RASA2: variants seen among roughly 807,000 people sequenced by gnomAD.
RASA2 encodes the protein RAS p21 protein activator 2.
A neutral mutation model predicts 118.2 loss-of-function variants in RASA2; 155 were observed. That is an observed-to-expected ratio of 1.31 (90% CI 1.15 to 1.50). The LOEUF is 1.50. RASA2 is among the 40% of genes most tolerant of loss of function. The pLI, the probability that RASA2 is intolerant of heterozygous loss-of-function variation, is 0.00. For missense variants in RASA2, 1,016 were observed against 1,009.6 expected (o/e 1.01, Z -0.09); for synonymous variants, 353 against 349.1 (o/e 1.01, Z -0.12).
At chr3:141,514,924 TTC>T (rs1346227598) in intron 2 of RASA2, among the ~76,000 whole-genome samples, 2 of 152,202 alleles carry the variant, frequency 1.3e-5, no homozygotes, top group African/African-American at 4.8e-5. Flanking sequence ...TACTATATGA[TTC>T]TATTTATGTG....
rs2083615536 is a variant in RASA2 at position 141,610,160 on chromosome 3, C to T, written c.2519+94C>T. ...CCTCACACCTCCTGCTCACCCACAT[C>T]TGTCAACATCCCGCTCAGGGCCATT... On this transcript the variant is annotated intron_variant, in intron 23 of 23. Transcript: ENST00000286364. The T allele has an allele frequency of 1.4e-5, 15 of 1,090,594 alleles. 1 individual carries two copies. In the South Asian group the frequency reaches 2.8e-4, roughly 20 times the overall value. The allele number at this position is 1,090,594 out of a possible 1,614,324, so 67.6% of individuals were successfully genotyped here. A position where few individuals can be genotyped will look rare whatever the true frequency, so the allele number is the denominator to read the frequency against.
intron 5 of RASA2, among the ~76,000 whole-genome samples, chr3:141,551,877 T>C (rs752976021): frequency 3.9e-5 from 6 of 152,186 alleles, no homozygotes; most frequent in Non-Finnish European, 8.8e-5. Flanking sequence ...ATAAATAAAA[T>C]ATCAAATTCC....
At chr3:141,487,249 G>A in intron 1 of RASA2, 33 bp downstream of exon 1, 1 of 1,296,558 alleles carries the variant, frequency 7.7e-7, no homozygotes, top group Non-Finnish European at 9.9e-7. Flanking sequence ...GGACGCCCTG[G>A]CGGCGCTGGG....
At chr3:141,571,906 TA>T (rs1430515262) in intron 11 of RASA2, among the ~76,000 whole-genome samples, 2 of 151,962 alleles carry the variant, frequency 1.3e-5, no homozygotes, top group East Asian at 3.9e-4. Context: ...TATGACATTC[TA>T]AAAAGCAGTC....
intron 15 of RASA2, 62 bp downstream of exon 15, chr3:141,577,168 A>G: frequency 7.6e-7 from 1 of 1,313,644 alleles, no homozygotes; most frequent in Non-Finnish European, 1.0e-6. Context: ...AAATGAAGAA[A>G]AGATAAAATA....
intron 4 of RASA2, among the ~76,000 whole-genome samples, chr3:141,531,499 CACATT>C (rs1210005911): frequency 6.6e-6 from 1 of 150,992 alleles, no homozygotes; most frequent in Admixed American, 6.6e-5. Context: ...TATATACACA[CACATT>C]ACATACACAT....
Position 141,580,409 on chromosome 3 carries a change from T to A in RASA2, c.1632T>A (p.Thr544=), listed in dbSNP as rs1426160614. ...TIRTLTLISK[T]IQTLGSWGSL... ...GAACATTAACTCTCATCTCAAAAAC[T>A]ATACAAACTTTGGGAAGCTGGGGGA... The change falls in exon 16 of 24, where the codon ACT becomes ACA. Residue 544 remains threonine, a synonymous_variant. Coordinates refer to ENST00000286364, the MANE Select transcript of RASA2 (RefSeq NM_006506.5). 1.9e-6 allele frequency: 3 copies of A among 1,610,258 alleles called. No homozygotes were observed. The highest frequency in any genetic ancestry group is 2.5e-6 in the Non-Finnish European group (3 of 1,177,584).
intron 3 of RASA2, among the ~76,000 whole-genome samples, chr3:141,522,651 C>A (rs1048107434): frequency 3.9e-5 from 6 of 152,160 alleles, no homozygotes; most frequent in Non-Finnish European, 8.8e-5. Context: ...GCAAGCTTAT[C>A]AGCATCTGGA....
intron 2 of RASA2, among the ~76,000 whole-genome samples, chr3:141,512,731 T>C (rs185366346): frequency 6.6e-6 from 1 of 152,174 alleles, no homozygotes; most frequent in Non-Finnish European, 1.5e-5. Context: ...ATAATTCTAG[T>C]GCAGAGTTGT....
At chr3:141,593,995 G>A (rs931344610) in intron 19 of RASA2, among the ~76,000 whole-genome samples, 1 of 152,194 alleles carries the variant, frequency 6.6e-6, no homozygotes, top group African/African-American at 2.4e-5. Flanking sequence ...TGATCTACAT[G>A]TTGGAATTAG....
intron 2 of RASA2, among the ~76,000 whole-genome samples, chr3:141,514,210 T>G (rs1016670533): frequency 6.6e-6 from 1 of 152,056 alleles, no homozygotes; most frequent in African/African-American, 2.4e-5. Context: ...CCCTGATAAC[T>G]CAAAAGAAGA....
chr3:141,607,165 C>G (rs559955012), intron 19 of RASA2, among the ~76,000 whole-genome samples: 1 of 152,052 alleles, frequency 6.6e-6, no homozygotes, highest in Non-Finnish European at 1.5e-5. Context: ...GGTGGCTGAT[C>G]AACCCATATG....
intron 1 of RASA2, among the ~76,000 whole-genome samples, chr3:141,497,321 TA>T (rs71151492): frequency 0.23 from 32,216 of 140,838 alleles, 4,304 homozygotes; most frequent in Non-Finnish European, 0.32. Flanking sequence ...TAAAGTATAA[TA>T]AAAAAAAAAA....
At chr3:141,502,787 C>G (rs1158071771) in intron 1 of RASA2, among the ~76,000 whole-genome samples, 2 of 152,126 alleles carry the variant, frequency 1.3e-5, no homozygotes, top group Non-Finnish European at 2.9e-5. Flanking sequence ...ATCATCTTGT[C>G]CAGGACCCTG....
rs776329666 is a variant in RASA2 at position 141,570,909 on chromosome 3, T to C, written c.864-3T>C. The C allele has an allele frequency of 6.2e-7, 1 of 1,601,030 alleles. No individual in the cohort carries two copies. Among genetic ancestry groups the C allele is most frequent in the Non-Finnish European group, 8.5e-7 (1 of 1,175,764 alleles). ...CATGGAATCACTTATATTTTTACTT[T>C]AGGTACTTGCTACAGCCAAGAGACA... On this transcript the variant is annotated splice_polypyrimidine_tract_variant and splice_region_variant and intron_variant, in intron 9 of 23. Transcript: ENST00000286364.
chr3:141,571,482 G>A lies in RASA2; in HGVS notation c.1097G>A (p.Arg366Gln), dbSNP rs778623889. 1.2e-5 allele frequency: 20 copies of A among 1,613,236 alleles called. No homozygotes were observed. The highest frequency in any genetic ancestry group is 1.6e-4 in the Middle Eastern group (1 of 6,080). The change falls in exon 11 of 24, where the codon CGA becomes CAA. Residue 366 changes from arginine to glutamine, a missense_variant. Arg to Gln is a conservative substitution (Grantham distance 43). Around this residue, in one of 2 missense-constraint regions of RASA2, gnomAD observed 896 missense variants for 836.4 expected, o/e 1.07. Transcript: ENST00000286364. ...DKNDAVLPLV[R>Q]LLLHHDKLVP... is the part of the protein sequence containing the mutation. ...AATGATGCTGTTTTGCCCCTTGTACGACTGCTGCTGCACCATGATAAACTT... is the reference window on the plus strand; with the variant it reads ...AATGATGCTGTTTTGCCCCTTGTACAACTGCTGCTGCACCATGATAAACTT...
chr3:141,604,244 T>C (rs1453267125), intron 19 of RASA2, among the ~76,000 whole-genome samples: 1 of 152,228 alleles, frequency 6.6e-6, no homozygotes, highest in Non-Finnish European at 1.5e-5. Flanking sequence ...GTTTTGTGTT[T>C]TCTATTTACT....
At position 141,586,071 on chromosome 3, in the gene RASA2, C is replaced by T. The variant is rs745753850; in HGVS notation, c.1799C>T (p.Thr600Met). 9.9e-6 allele frequency: 16 copies of T among 1,610,190 alleles called. No individual in the cohort carries two copies. The Admixed American group carries it at 1.0e-4, about 10-fold the overall frequency. The change falls in exon 18 of 24, where the codon ACG (threonine) becomes ATG (methionine). Residue 600 changes from threonine to methionine, a missense_variant. Thr to Met is a moderately conservative substitution (Grantham distance 81, BLOSUM62 -1). Transcript: ENST00000286364. The stretch of plus-strand genomic sequence containing the variant: ...ACTGAAACTAAAGAGTCCAGTGGTA[C>T]GAGTGAGCCTGTGCACCTGAAAGAA... ...SSTETKESSG[T>M]SEPVHLKEGE...
chr3:141,589,403 A>G (rs938981527), intron 19 of RASA2, among the ~76,000 whole-genome samples: 3 of 152,212 alleles, frequency 2.0e-5, no homozygotes, highest in East Asian at 1.9e-4. Context: ...TTAGATAGCT[A>G]TGGACCCCTT....
Sources: allele counts gnomAD v4.1 joint callset (sites outside exome capture counted in the v4.1 genomes callset), GRCh38; gene constraint gnomAD v4.1.1; regional missense constraint gnomAD v4.1.1; transcripts MANE v1.5; gene names NCBI Gene and HGNC (gene_info 2026-07-23, HGNC 2026-07-21).